P2RX3: variants seen among roughly 807,000 people sequenced by gnomAD.
P2RX3 encodes the protein P2X purinoceptor 3.
A neutral mutation model predicts 51.5 loss-of-function variants in P2RX3; 41 were observed. That is an observed-to-expected ratio of 0.80 (90% CI 0.62 to 1.03). The LOEUF is 1.03. P2RX3 is among the 50% of genes least tolerant of loss of function. The pLI is 0.00. For synonymous variants in P2RX3, 185 were observed against 191.6 expected (o/e 0.97, Z 0.29); for missense variants, 459 against 522.1 (o/e 0.88, Z 1.18).
chr11:57,365,091 G>A (rs1388675627), intron 8 of P2RX3, among the ~76,000 whole-genome samples: 2 of 152,196 alleles, frequency 1.3e-5, no homozygotes, highest in African/African-American at 4.8e-5. Context: ...GGCAGAGACA[G>A]AAAATGTGTC....
chr11:57,350,387 C>G (rs1257123375), intron 7 of P2RX3: 1 of 203,346 alleles, frequency 4.9e-6, no homozygotes. Context: ...CAACCTCCGC[C>G]TCCCAGGTTC....
chr11:57,371,022 T>C lies in P2RX3; in HGVS notation c.*1025T>C, dbSNP rs557648929. On this transcript the variant is annotated 3_prime_UTR_variant, in exon 12 of 12. Transcript: ENST00000263314. ...TGCCCCATTTTCTAAGGTTAGAAGC[T>C]AAAGGGGCCTTTTAAACCATCTTAT... Among the ~76,000 whole-genome samples the C allele has an allele frequency of 2.0e-5, 3 of 152,340 alleles. No homozygotes were observed. Among genetic ancestry groups the C allele is most frequent in the Admixed American group, 1.3e-4 (2 of 15,314 alleles).
upstream of P2RX3, among the ~76,000 whole-genome samples, chr11:57,337,986 CT>C (rs1021612147): frequency 9.8e-5 from 15 of 152,376 alleles, no homozygotes; most frequent in East Asian, 5.8e-4. Flanking sequence ...CCTTTTCCCC[CT>C]GACCCATGCC....
intron 3 of P2RX3, 74 bp downstream of exon 3, chr11:57,347,261 G>GAGGTATGAGC: frequency 6.5e-7 from 1 of 1,545,574 alleles, no homozygotes; most frequent in Non-Finnish European, 8.9e-7. Flanking sequence ...CAGTGGCAGG[G>GAGGTATGAGC]AGGTATGAGC....
intron 6 of P2RX3, 84 bp from the exon 7 acceptor site, chr11:57,349,673 C>G (rs2134420516): frequency 6.4e-7 from 1 of 1,563,780 alleles, no homozygotes; most frequent in Non-Finnish European, 8.8e-7. Context: ...CCCCCTAGGC[C>G]TGGGCTCCGG....
intron 1 of P2RX3, among the ~76,000 whole-genome samples, chr11:57,345,149 C>T (rs762099277): frequency 6.6e-6 from 1 of 152,236 alleles, no homozygotes; most frequent in Non-Finnish European, 1.5e-5. Context: ...CAGCTCCTGG[C>T]TCTGCAGCTT....
rs1334354493 is a variant in P2RX3 at position 57,371,795 on chromosome 11, C to T, written c.*1798C>T. 2.6e-5 allele frequency among the ~76,000 whole-genome samples: 4 copies of T among 152,186 alleles called. No homozygotes were observed. Among genetic ancestry groups the T allele is most frequent in the Non-Finnish European group, 5.9e-5 (4 of 68,026 alleles). On this transcript the variant is annotated 3_prime_UTR_variant, in exon 12 of 12. Transcript: ENST00000263314. ...CACCACATTCTCCACCTGGGACTCC[C>T]CCAGGCATCCCTGGGGAATTCAGCT...
chr11:57,338,979 C>T (rs926738819), intron 1 of P2RX3, among the ~76,000 whole-genome samples: 20 of 152,166 alleles, frequency 1.3e-4, no homozygotes, highest in African/African-American at 3.9e-4. Flanking sequence ...GCTCCATCTC[C>T]ACCCTCCCTG....
chr11:57,369,508 A>C, intron 11 of P2RX3, 70 bp downstream of exon 11: 3 of 1,442,942 alleles, frequency 2.1e-6, no homozygotes, highest in Non-Finnish European at 2.8e-6. Flanking sequence ...AGGGACTCTC[A>C]GTGGCTCCCC....
chr11:57,366,978 C>A (rs1235600246), intron 8 of P2RX3, among the ~76,000 whole-genome samples: 1 of 152,160 alleles, frequency 6.6e-6, no homozygotes, highest in African/African-American at 2.4e-5. Flanking sequence ...GATGAAGTTT[C>A]GACATGAGTT....
chr11:57,338,026 C>T (rs1023617105), upstream of P2RX3, among the ~76,000 whole-genome samples: 25 of 152,128 alleles, frequency 1.6e-4, no homozygotes, highest in South Asian at 2.1e-4. Flanking sequence ...AAGGAGGGGA[C>T]GGCGCAGAAC....
At chr11:57,366,138 C>T (rs566193999) in intron 8 of P2RX3, among the ~76,000 whole-genome samples, 3 of 152,270 alleles carry the variant, frequency 2.0e-5, no homozygotes, top group Non-Finnish European at 4.4e-5. Context: ...CATTTTACAG[C>T]TGTAGGACAG....
At chr11:57,349,941 T>A in intron 7 of P2RX3, 43 bp downstream of exon 7, 1 of 1,609,648 alleles carries the variant, frequency 6.2e-7, no homozygotes, top group Non-Finnish European at 8.5e-7. Flanking sequence ...ACTCCCCACC[T>A]TCAGCCCTTT....
intron 8 of P2RX3, among the ~76,000 whole-genome samples, chr11:57,352,837 G>A (rs1006637246): frequency 4.6e-5 from 7 of 152,202 alleles, no homozygotes; most frequent in African/African-American, 1.7e-4. Flanking sequence ...AGAGGCCTAA[G>A]AGAAACCACC....
intron 1 of P2RX3, 35 bp downstream of exon 1, chr11:57,338,704 G>A (rs1856282721): frequency 6.9e-7 from 1 of 1,447,246 alleles, no homozygotes; most frequent in East Asian, 2.3e-5. Context: ...CTGGCGGGGT[G>A]GGCTGCCTGG....
chr11:57,350,433 G>T, intron 7 of P2RX3: 1 of 247,194 alleles, frequency 4.0e-6, no homozygotes, highest in Non-Finnish European at 7.9e-6. Context: ...GGAGTAGCTG[G>T]GACCAAGCCC....
intron 1 of P2RX3, among the ~76,000 whole-genome samples, chr11:57,344,228 C>A (rs1565062271): frequency 1.3e-5 from 2 of 152,184 alleles, no homozygotes; most frequent in African/African-American, 4.8e-5. Context: ...TTTGACTACA[C>A]CCTTTCTCTC....
intron 10 of P2RX3, among the ~76,000 whole-genome samples, chr11:57,369,159 C>G (rs144691773): frequency 6.6e-6 from 1 of 152,206 alleles, no homozygotes; most frequent in South Asian, 2.1e-4. Flanking sequence ...AATACTGCCA[C>G]GCTGGGGATT....
chr11:57,364,986 C>A (rs1292573800), intron 8 of P2RX3, among the ~76,000 whole-genome samples: 1 of 152,208 alleles, frequency 6.6e-6, no homozygotes, highest in East Asian at 1.9e-4. Context: ...GGTCAGGCTG[C>A]CCTGGAAACC....
Sources: allele counts gnomAD v4.1 joint callset (sites outside exome capture counted in the v4.1 genomes callset), GRCh38; gene constraint gnomAD v4.1.1; transcripts MANE v1.5; gene names NCBI Gene and HGNC (gene_info 2026-07-23, HGNC 2026-07-21).